Variants in METTL25 observed in about 807,000 individuals in gnomAD.
The protein encoded by METTL25 is probable methyltransferase-like protein 25.
METTL25 carries 64 observed loss-of-function variants against 71.6 expected under a neutral mutation model. The observed-to-expected ratio is 0.89, with a 90% CI of 0.73 to 1.10. METTL25 has a LOEUF of 1.10. Ranked by LOEUF, METTL25 falls within the 50% of genes least tolerant of loss-of-function variation. The probability of loss-of-function intolerance (pLI) is 0.00; values close to 1 mark genes in which losing one functional copy is unlikely to be tolerated. For missense variants in METTL25, 807 were observed against 707.0 expected, an observed-to-expected ratio of 1.14 and a Z score of -1.60; for synonymous variants, 287 against 250.3, an observed-to-expected ratio of 1.15 and a Z score of -1.38.
At chr12:82,478,857 A>T in intron 11 of METTL25, 75 bp from the exon 12 acceptor site, 1 of 1,121,434 alleles carries the variant, frequency 8.9e-7, no homozygotes, top group Non-Finnish European at 1.3e-6. Context: ...TTATATTACA[A>T]TATATAATCC....
At chr12:82,372,767 C>T (rs556284146) in intron 1 of METTL25, among the ~76,000 whole-genome samples, 5 of 152,220 alleles carry the variant, frequency 3.3e-5, no homozygotes, top group Admixed American at 6.5e-5. Flanking sequence ...AAGACAAAAC[C>T]GCCTGTGATT....
At chr12:82,470,313 A>C (rs1892497128) in intron 9 of METTL25, among the ~76,000 whole-genome samples, 1 of 152,192 alleles carries the variant, frequency 6.6e-6, no homozygotes, top group African/African-American at 2.4e-5. Context: ...ATTTGTCTGT[A>C]ACAGGTGTAT....
At chr12:82,427,759 G>T (rs896778924) in intron 5 of METTL25, among the ~76,000 whole-genome samples, 1 of 151,794 alleles carries the variant, frequency 6.6e-6, no homozygotes, top group African/African-American at 2.4e-5. Context: ...CCTGGGTTTC[G>T]CCTGTGACCA....
chr12:82,445,801 T>C (rs568413215), intron 8 of METTL25, among the ~76,000 whole-genome samples: 1 of 152,306 alleles, frequency 6.6e-6, no homozygotes, highest in African/African-American at 2.4e-5. Flanking sequence ...AGGACTACTG[T>C]AAAAAGAGAA....
At chr12:82,452,302 T>G (rs1192081730) in intron 8 of METTL25, among the ~76,000 whole-genome samples, 1 of 152,198 alleles carries the variant, frequency 6.6e-6, no homozygotes, top group African/African-American at 2.4e-5. Context: ...GTTTAAAGAT[T>G]CTTTGGCCTA....
intron 4 of METTL25, 144 bp downstream of exon 4, chr12:82,399,538 T>C (rs1704336139): frequency 3.0e-6 from 2 of 676,168 alleles, no homozygotes; most frequent in South Asian, 2.1e-5. Context: ...GCTTTCATTA[T>C]TCCCACACCC....
chr12:82,426,423 C>T (rs566688889), intron 5 of METTL25, among the ~76,000 whole-genome samples: 14 of 152,100 alleles, frequency 9.2e-5, no homozygotes, highest in African/African-American at 3.4e-4. Flanking sequence ...AAACTGCAGT[C>T]GTATCTTAAA....
intron 1 of METTL25, among the ~76,000 whole-genome samples, chr12:82,385,517 T>G (rs984028037): frequency 5.9e-5 from 9 of 152,202 alleles, no homozygotes; most frequent in African/African-American, 2.2e-4. Flanking sequence ...AAATTAATTT[T>G]CAATGAATGG....
intron 9 of METTL25, among the ~76,000 whole-genome samples, chr12:82,474,964 C>CA (rs1175358682): frequency 6.6e-6 from 1 of 152,048 alleles, no homozygotes; most frequent in Non-Finnish European, 1.5e-5. Context: ...AGATCTCAGA[C>CA]AAAATCAACA....
chr12:82,425,588 G>T (rs1888948055), intron 5 of METTL25, among the ~76,000 whole-genome samples: 1 of 152,076 alleles, frequency 6.6e-6, no homozygotes, highest in Non-Finnish European at 1.5e-5. Context: ...TTACGCTGTT[G>T]AGGGAAACAA....
rs1881828708 is a variant in METTL25 at position 82,361,237 on chromosome 12, G to T, written c.259+2413G>T. On this transcript the variant is annotated intron_variant, in intron 1 of 11. Coordinates refer to ENST00000248306, the MANE Select transcript of METTL25 (RefSeq NM_032230.3). ...TCAGCTATACACAGAGCACTGATTG[G>T]TGCATTTACAAACCTTGAGCTAGAC... 2.0e-5 allele frequency among the ~76,000 whole-genome samples: 3 copies of T among 152,126 alleles called. No individual in the cohort carries two copies. The South Asian group carries it at 6.2e-4, about 32-fold the overall frequency.
intron 9 of METTL25, among the ~76,000 whole-genome samples, chr12:82,463,177 T>A (rs1044604051): frequency 2.0e-5 from 3 of 152,030 alleles, no homozygotes; most frequent in African/African-American, 7.2e-5. Flanking sequence ...TTAATCCTCT[T>A]ATCTAGCCAT....
chr12:82,398,541 C>T (rs1238580311), intron 3 of METTL25, among the ~76,000 whole-genome samples: 1 of 151,956 alleles, frequency 6.6e-6, no homozygotes. Flanking sequence ...CATCTATGTA[C>T]AAAAAAGACA....
chr12:82,395,187 T>C (rs1181006535), intron 3 of METTL25, among the ~76,000 whole-genome samples: 2 of 152,062 alleles, frequency 1.3e-5, no homozygotes, highest in Non-Finnish European at 2.9e-5. Flanking sequence ...TTTGTGGACA[T>C]TCGAGCTGGT....
chr12:82,473,842 G>T (rs897928727), intron 9 of METTL25, among the ~76,000 whole-genome samples: 3 of 152,166 alleles, frequency 2.0e-5, no homozygotes, highest in African/African-American at 7.2e-5. Flanking sequence ...GGACCAGAGT[G>T]ACAGCCAATC....
intron 1 of METTL25, among the ~76,000 whole-genome samples, chr12:82,360,742 G>A (rs1351520724): frequency 6.6e-6 from 1 of 152,156 alleles, no homozygotes; most frequent in Non-Finnish European, 1.5e-5. Context: ...CTCACAAGGA[G>A]TATGGTCTTG....
At chr12:82,423,794 A>C (rs1888736116) in intron 5 of METTL25, among the ~76,000 whole-genome samples, 1 of 152,230 alleles carries the variant, frequency 6.6e-6, no homozygotes, top group Non-Finnish European at 1.5e-5. Context: ...AATGCTCATC[A>C]TCACTGGCCA....
intron 1 of METTL25, among the ~76,000 whole-genome samples, chr12:82,386,355 A>C (rs139901204): frequency 3.4e-4 from 52 of 152,232 alleles, no homozygotes; most frequent in Middle Eastern, 3.4e-3. Flanking sequence ...GCACAGTTAT[A>C]GGCCAGCCAG....
At chr12:82,474,481 T>C (rs1175896857) in intron 9 of METTL25, 2 of 152,258 alleles carry the variant, frequency 1.3e-5, no homozygotes, top group Non-Finnish European at 2.9e-5. Context: ...TCACTTTGCG[T>C]TGTTATTTTT....
Sources: gnomAD v4.1 joint callset for allele counts (sites outside exome capture counted in the v4.1 genomes callset) on GRCh38, gnomAD v4.1.1 for gene constraint, MANE v1.5 for transcripts, NCBI Gene and HGNC (gene_info 2026-07-23, HGNC 2026-07-21) for gene names.